Variants in SEC63 observed in about 807,000 individuals in gnomAD.
SEC63 encodes the protein translocation protein SEC63 homolog.
A neutral mutation model predicts 116.2 loss-of-function variants in SEC63; 56 were observed. The observed-to-expected ratio is 0.48, with a 90% CI of 0.39 to 0.60. SEC63 has a LOEUF of 0.60. Among genes scored for constraint, SEC63 ranks in the 20% least tolerant of loss-of-function variants. The pLI, the probability that SEC63 is intolerant of heterozygous loss-of-function variation, is 0.00. For synonymous variants in SEC63, 273 were observed against 294.6 expected (o/e 0.93, Z 0.75); for missense variants, 668 against 900.0 (o/e 0.74, Z 3.30).
intron 2 of SEC63, among the ~76,000 whole-genome samples, chr6:107,928,568 T>C (rs996515951): frequency 6.6e-6 from 1 of 151,946 alleles, no homozygotes; most frequent in Non-Finnish European, 1.5e-5. Flanking sequence ...CGCCCTGAAA[T>C]TATGCTGAAA....
intron 1 of SEC63, among the ~76,000 whole-genome samples, chr6:107,934,200 AGCCCCTCT>A (rs964225011): frequency 1.7e-4 from 26 of 150,852 alleles, no homozygotes; most frequent in Admixed American, 1.6e-3. Flanking sequence ...GGACGTGAGG[AGCCCCTCT>A]GCCTGGCTGC....
At chr6:107,919,604 C>G (rs1787500142) in intron 4 of SEC63, among the ~76,000 whole-genome samples, 1 of 152,068 alleles carries the variant, frequency 6.6e-6, no homozygotes, top group Non-Finnish European at 1.5e-5. Context: ...AGGCGTATCA[C>G]AAGGTCAGGA....
intron 1 of SEC63, chr6:107,957,516 C>A (rs569655170): frequency 6.2e-6 from 1 of 162,438 alleles, no homozygotes; most frequent in African/African-American, 2.4e-5. Context: ...CCCGCACGTT[C>A]AGTCTCTTCT....
intron 2 of SEC63, among the ~76,000 whole-genome samples, chr6:107,928,319 T>TA (rs1489790532): frequency 1.3e-5 from 2 of 150,250 alleles, no homozygotes; most frequent in Non-Finnish European, 3.0e-5. Context: ...CCCATCCCTA[T>TA]AAAAAATACA....
rs1293505930 is a variant in SEC63, at chr6:107,906,133, T to C, written c.961+315A>G. 2.0e-5 allele frequency among the ~76,000 whole-genome samples: 3 copies of C among 152,168 alleles called. No homozygotes were observed. In the East Asian group the frequency reaches 5.8e-4, roughly 29 times the overall value. ...GAGATACACTTCTCACAAGACCTGG[T>C]TGTTTAAAAACGTGTGGCATCTCCC... is the stretch of plus-strand genomic sequence containing the variant. On this transcript the variant is annotated intron_variant, in intron 10 of 20. Coordinates refer to ENST00000369002, the MANE Select transcript of SEC63 (RefSeq NM_007214.5).
Position 107,924,520 on chromosome 6 carries a change from C to T in SEC63, c.339+298G>A, listed in dbSNP as rs536334802. Reference sequence around the variant, plus strand: ...GGCGGAGCTTGCAGTGAGCCGAGATCACACCACTACACTCCAGCCTGGGCT... The same window carrying T: ...GGCGGAGCTTGCAGTGAGCCGAGATTACACCACTACACTCCAGCCTGGGCT... On this transcript the variant is annotated intron_variant, in intron 3 of 20. Coordinates refer to ENST00000369002, the MANE Select transcript of SEC63 (RefSeq NM_007214.5). Among the ~76,000 whole-genome samples the T allele has an allele frequency of 5.7e-4, 86 of 151,710 alleles. 4 individuals are homozygous for T. Among genetic ancestry groups the T allele is most frequent in the Admixed American group, 5.6e-3 (86 of 15,222 alleles).
At chr6:107,950,996 A>G (rs751474177) in intron 1 of SEC63, among the ~76,000 whole-genome samples, 1 of 152,248 alleles carries the variant, frequency 6.6e-6, no homozygotes, top group South Asian at 2.1e-4. Flanking sequence ...GTTTAAAGTG[A>G]TAACTCTTCT....
At chr6:107,957,863 G>A (rs1305279958) in intron 1 of SEC63, 23 bp downstream of exon 1, 6 of 1,601,804 alleles carry the variant, frequency 3.7e-6, no homozygotes, top group Non-Finnish European at 5.1e-6. Flanking sequence ...GCGGGTTCGC[G>A]GGCAAAGGCC....
chr6:107,893,477 C>CT lies in SEC63; in HGVS notation c.1674+4dup. On this transcript the variant is annotated splice_donor_region_variant and intron_variant, in intron 16 of 20. Coordinates refer to ENST00000369002, the MANE Select transcript of SEC63 (RefSeq NM_007214.5). ...TAATGATAATAACGATAATAATAAACTTACATTCCCAACGACTCCATTTGC... is the reference window on the plus strand; with the variant it reads ...TAATGATAATAACGATAATAATAAACTTTACATTCCCAACGACTCCATTTGC... 6.2e-7 allele frequency: 1 copy of CT among 1,611,146 alleles called. No individual in the cohort carries two copies. The highest frequency in any genetic ancestry group is 8.5e-7 in the Non-Finnish European group (1 of 1,178,646).
chr6:107,924,411 T>G (rs1393765777), intron 3 of SEC63, among the ~76,000 whole-genome samples: 1 of 151,732 alleles, frequency 6.6e-6, no homozygotes, highest in African/African-American at 2.4e-5. Context: ...ACCCCGTTTC[T>G]ACTAAAAATA....
At chr6:107,929,606 G>A (rs1431212644) in intron 1 of SEC63, 92 bp from the exon 2 acceptor site, 19 of 740,338 alleles carry the variant, frequency 2.6e-5, no homozygotes, top group South Asian at 5.9e-5. Flanking sequence ...TCATTACCAC[G>A]CTAATAGTTT....
In SEC63 at chr6:107,941,904, T is replaced by C. The variant is rs3800218; in HGVS notation, c.125-12390A>G. Among the ~76,000 whole-genome samples the C allele has an allele frequency of 1.3e-4, 20 of 152,326 alleles. No homozygotes were observed. In the East Asian group the frequency reaches 2.1e-3, roughly 16 times the overall value. ...GGACACATAAAAGCCCACTTAAGGA[T>C]AGCATTTCTATGATGTATCAGTGTA... On this transcript the variant is annotated intron_variant, in intron 1 of 20. Coordinates refer to ENST00000369002, the MANE Select transcript of SEC63 (RefSeq NM_007214.5).
chr6:107,915,948 T>G (rs1261858919), intron 4 of SEC63, among the ~76,000 whole-genome samples: 1 of 152,228 alleles, frequency 6.6e-6, no homozygotes, highest in African/African-American at 2.4e-5. Context: ...TAAGACATTT[T>G]ATACATAAAA....
At chr6:107,923,441 A>T (rs1787602382) in intron 3 of SEC63, among the ~76,000 whole-genome samples, 1 of 152,194 alleles carries the variant, frequency 6.6e-6, no homozygotes, top group Non-Finnish European at 1.5e-5. Flanking sequence ...TTTAGAACCC[A>T]TTAATCAGGT....
intron 1 of SEC63, among the ~76,000 whole-genome samples, chr6:107,933,440 A>G (rs1178669707): frequency 6.6e-6 from 1 of 152,208 alleles, no homozygotes; most frequent in Non-Finnish European, 1.5e-5. Context: ...ATCGCCAGAA[A>G]AAAAGACAAC....
intron 1 of SEC63, among the ~76,000 whole-genome samples, chr6:107,944,801 A>G (rs1054322121): frequency 1.3e-5 from 2 of 152,184 alleles, no homozygotes; most frequent in Non-Finnish European, 2.9e-5. Context: ...CTGGGTTACA[A>G]ATTCTACCAA....
At chr6:107,945,553 C>G (rs1016425179) in intron 1 of SEC63, among the ~76,000 whole-genome samples, 2 of 151,974 alleles carry the variant, frequency 1.3e-5, no homozygotes, top group East Asian at 3.9e-4. Flanking sequence ...ATCCACCCCC[C>G]TCGGCCTCCC....
At chr6:107,904,801 A>T (rs1787106683) in intron 10 of SEC63, 80 bp from the exon 11 acceptor site, 1 of 1,023,960 alleles carries the variant, frequency 9.8e-7, no homozygotes, top group South Asian at 1.3e-5. Context: ...CCCAAAACTA[A>T]TATTAAAGTT....
intron 4 of SEC63, among the ~76,000 whole-genome samples, chr6:107,918,934 A>G: frequency 1.7e-5 from 2 of 118,916 alleles, no homozygotes; most frequent in African/African-American, 3.3e-5. Context: ...TTTTTGAGAC[A>G]GAGTCTCACT....
Sources: allele counts gnomAD v4.1 joint callset (sites outside exome capture counted in the v4.1 genomes callset), GRCh38; gene constraint gnomAD v4.1.1; transcripts MANE v1.5; gene names NCBI Gene and HGNC (gene_info 2026-07-23, HGNC 2026-07-21).